Variants in APBB2 observed in about 807,000 individuals in gnomAD.
APBB2 encodes the protein Fe65-like 1.
In APBB2, 38 loss-of-function variants were observed where a neutral mutation model predicts 82.5. The observed-to-expected ratio is 0.46, with a 90% confidence interval of 0.36 to 0.60. The LOEUF (loss-of-function observed/expected upper bound fraction) is 0.60, where lower values mean the gene tolerates loss of function less well. APBB2 is among the 20% of genes least tolerant of loss of function. The pLI is 0.00. For synonymous variants in APBB2, 341 were observed against 368.2 expected (o/e 0.93, Z 0.85); for missense variants, 772 against 972.3 (o/e 0.79, Z 2.74).
At chr4:41,117,123 C>T (rs1321854856) in intron 2 of APBB2, among the ~76,000 whole-genome samples, 1 of 152,026 alleles carries the variant, frequency 6.6e-6, no homozygotes, top group Non-Finnish European at 1.5e-5. Context: ...CTCAGTGACA[C>T]TCTGCAGCTC....
chr4:41,139,225 T>C (rs1352588374), intron 2 of APBB2, among the ~76,000 whole-genome samples: 19 of 152,150 alleles, frequency 1.2e-4, no homozygotes, highest in Non-Finnish European at 2.8e-4. Flanking sequence ...CAAGTATCAG[T>C]ATCATCCAAC....
chr4:40,830,607 G>A (rs773384619), intron 12 of APBB2, 30 bp from the exon 13 acceptor site: 14 of 1,369,912 alleles, frequency 1.0e-5, no homozygotes, highest in Non-Finnish European at 1.5e-5. Flanking sequence ...CAGTCCATTA[G>A]TAAGAGAAGC....
intron 6 of APBB2, among the ~76,000 whole-genome samples, chr4:40,955,586 G>A (rs879190770): frequency 3.3e-5 from 5 of 152,176 alleles, no homozygotes; most frequent in East Asian, 1.9e-4. Context: ...GGAGCTTAAC[G>A]CTTCAATCCA....
chr4:40,922,429 T>C (rs570075363), intron 10 of APBB2, among the ~76,000 whole-genome samples: 1 of 152,242 alleles, frequency 6.6e-6, no homozygotes, highest in Admixed American at 6.5e-5. Context: ...AGTCTGAAAA[T>C]GTGGAAGGCT....
chr4:41,042,390 G>A (rs1039001465), intron 4 of APBB2, among the ~76,000 whole-genome samples: 2 of 152,150 alleles, frequency 1.3e-5, no homozygotes, highest in Admixed American at 6.5e-5. Context: ...ATATGCTATT[G>A]GACAACTATA....
intron 10 of APBB2, among the ~76,000 whole-genome samples, chr4:40,924,340 G>A (rs1782073812): frequency 6.6e-6 from 1 of 152,190 alleles, no homozygotes; most frequent in African/African-American, 2.4e-5. Context: ...GGAATGACAT[G>A]TTTGGCAGAT....
At chr4:40,944,817 C>A in intron 7 of APBB2, 48 bp downstream of exon 7, 1 of 1,590,908 alleles carries the variant, frequency 6.3e-7, no homozygotes, top group Non-Finnish European at 8.6e-7. Flanking sequence ...AGAGAAACCA[C>A]AAGTTACATC....
chr4:41,168,407 T>A (rs1767310274), intron 1 of APBB2, among the ~76,000 whole-genome samples: 1 of 151,706 alleles, frequency 6.6e-6, no homozygotes, highest in African/African-American at 2.4e-5. Flanking sequence ...AGACAAAGAG[T>A]CTCGCTCTGT....
At chr4:41,052,501 C>T (rs145281601) in intron 4 of APBB2, among the ~76,000 whole-genome samples, 10 of 152,152 alleles carry the variant, frequency 6.6e-5, no homozygotes, top group East Asian at 1.9e-4. Context: ...TCACAGCTCT[C>T]GTAGACAAGA....
intron 12 of APBB2, among the ~76,000 whole-genome samples, chr4:40,843,173 G>A (rs17588062): frequency 0.19 from 29,053 of 152,156 alleles, 2,937 homozygotes; most frequent in Admixed American, 0.24. Flanking sequence ...CAACTAGACC[G>A]AAGAGCATGG....
intron 2 of APBB2, among the ~76,000 whole-genome samples, chr4:41,131,724 A>G (rs1237600723): frequency 2.0e-5 from 3 of 152,202 alleles, no homozygotes; most frequent in African/African-American, 7.2e-5. Flanking sequence ...TTAGAAAAAT[A>G]ACACTGTTTA....
At chr4:40,996,258 G>C (rs149076291) in intron 6 of APBB2, among the ~76,000 whole-genome samples, 4 of 152,308 alleles carry the variant, frequency 2.6e-5, no homozygotes, top group Non-Finnish European at 5.9e-5. Flanking sequence ...TAATATTTAA[G>C]ATGAGGAAAA....
At chr4:41,186,547 C>CA (rs1187303972) in intron 1 of APBB2, among the ~76,000 whole-genome samples, 1 of 151,810 alleles carries the variant, frequency 6.6e-6, no homozygotes. Flanking sequence ...CTGTTTCACT[C>CA]AAAAAAATGC....
At chr4:41,139,528 T>G (rs1560855385) in intron 2 of APBB2, among the ~76,000 whole-genome samples, 1 of 152,308 alleles carries the variant, frequency 6.6e-6, no homozygotes, top group East Asian at 1.9e-4. Flanking sequence ...CAAGATGTCC[T>G]TCAATAGGTG....
intron 2 of APBB2, among the ~76,000 whole-genome samples, chr4:41,109,187 C>T (rs1748286003): frequency 6.6e-6 from 1 of 152,124 alleles, no homozygotes; most frequent in African/African-American, 2.4e-5. Context: ...TCCTTTGAGG[C>T]CAGAAGTTCT....
Position 41,058,501 on chromosome 4 carries a change from T to A in APBB2, c.-51+7075A>T, listed in dbSNP as rs569725623. ...ATAATGGCGGTCAACAGGCCTCAGATCACCAATTTTACAGGTTGGGTTCAC... is the reference window on the plus strand; with the variant it reads ...ATAATGGCGGTCAACAGGCCTCAGAACACCAATTTTACAGGTTGGGTTCAC... On this transcript the variant is annotated intron_variant, in intron 4 of 17. Transcript: ENST00000508593. Among the ~76,000 whole-genome samples the A allele has an allele frequency of 5.3e-5, 8 of 152,342 alleles. No homozygotes were observed. In the South Asian group the frequency reaches 1.7e-3, roughly 32 times the overall value.
intron 6 of APBB2, among the ~76,000 whole-genome samples, chr4:41,013,022 A>G (rs1328409368): frequency 6.6e-6 from 1 of 152,236 alleles, no homozygotes; most frequent in Non-Finnish European, 1.5e-5. Flanking sequence ...TTCAAGAAAT[A>G]CGATTTTCCC....
chr4:41,010,992 T>C (rs1386574655), intron 6 of APBB2, among the ~76,000 whole-genome samples: 1 of 152,146 alleles, frequency 6.6e-6, no homozygotes, highest in Admixed American at 6.5e-5. Flanking sequence ...GAAAATACCA[T>C]ACACAATATT....
chr4:40,972,441 A>T (rs113697312), intron 6 of APBB2, among the ~76,000 whole-genome samples: 8,645 of 143,232 alleles, frequency 0.06, 859 homozygotes, highest in African/African-American at 0.21. Context: ...AAAAAAAAAA[A>T]TAATAATAAA....
Sources: gnomAD v4.1 joint callset for allele counts (sites outside exome capture counted in the v4.1 genomes callset) on GRCh38, gnomAD v4.1.1 for gene constraint, MANE v1.5 for transcripts, NCBI Gene and HGNC (gene_info 2026-07-23, HGNC 2026-07-21) for gene names.